Variants in SGCD observed in about 807,000 individuals in gnomAD.
SGCD encodes the protein sarcoglycan delta.
A neutral mutation model predicts 36.6 loss-of-function variants in SGCD; 18 were observed. The ratio of observed to expected loss-of-function variants is 0.49; its 90% CI spans 0.34 to 0.73. The LOEUF is 0.73. SGCD is among the 30% of genes least tolerant of loss of function. SGCD has a pLI of 0.01. For missense variants in SGCD, 387 were observed against 346.7 expected (o/e 1.12, Z -0.92); for synonymous variants, 133 against 130.6 (o/e 1.02, Z -0.12).
At chr5:155,866,416 A>G (rs565313637), upstream of SGCD, among the ~76,000 whole-genome samples, 27 of 152,308 alleles carry the variant, frequency 1.8e-4, no homozygotes, top group Non-Finnish European at 3.1e-4. Context: ...CCTTAGTGTT[A>G]TTATAAAAAT....
chr5:156,581,231 C>T (rs2113336892), intron 4 of SGCD, among the ~76,000 whole-genome samples: 1 of 152,340 alleles, frequency 6.6e-6, no homozygotes, highest in South Asian at 2.1e-4. Context: ...CCAGCGGAGG[C>T]TGCAGAACAG....
chr5:156,532,281 A>T (rs1446788860), intron 4 of SGCD, among the ~76,000 whole-genome samples: 1 of 152,182 alleles, frequency 6.6e-6, no homozygotes, highest in Non-Finnish European at 1.5e-5. Context: ...TACATATTAA[A>T]ATATCTGCTG....
chr5:156,730,219 T>C (rs1226986740), intron 7 of SGCD, among the ~76,000 whole-genome samples: 1 of 152,196 alleles, frequency 6.6e-6, no homozygotes, highest in African/African-American at 2.4e-5. Context: ...CTAGATTCTG[T>C]GCAGTTTTTT....
At chr5:156,095,230 T>C (rs973611540) in intron 1 of SGCD, among the ~76,000 whole-genome samples, 1 of 152,162 alleles carries the variant, frequency 6.6e-6, no homozygotes, top group African/African-American at 2.4e-5. Flanking sequence ...TACGCAAATC[T>C]CACCACATAG....
At chr5:156,222,084 C>T (rs1048977353) in intron 3 of SGCD, among the ~76,000 whole-genome samples, 2 of 151,992 alleles carry the variant, frequency 1.3e-5, no homozygotes, top group African/African-American at 4.8e-5. Context: ...CTAGAACCAA[C>T]AGATGTTGCA....
At chr5:156,197,942 G>A (rs1047466828) in intron 3 of SGCD, among the ~76,000 whole-genome samples, 1 of 152,112 alleles carries the variant, frequency 6.6e-6, no homozygotes, top group South Asian at 2.1e-4. Flanking sequence ...TTAGCATAGA[G>A]GAGGGAGGAA....
At chr5:156,085,039 C>A (rs1761059467) in intron 1 of SGCD, among the ~76,000 whole-genome samples, 1 of 152,080 alleles carries the variant, frequency 6.6e-6, no homozygotes, top group Non-Finnish European at 1.5e-5. Flanking sequence ...GAATAAATCT[C>A]AAAAATCAAT....
chr5:156,701,050 C>T (rs1754511020), intron 7 of SGCD, among the ~76,000 whole-genome samples: 1 of 152,010 alleles, frequency 6.6e-6, no homozygotes, highest in African/African-American at 2.4e-5. Flanking sequence ...ATCTCATCTG[C>T]TTTCATGGTT....
chr5:156,219,540 T>C (rs530226372), intron 3 of SGCD, among the ~76,000 whole-genome samples: 28 of 152,292 alleles, frequency 1.8e-4, no homozygotes, highest in Non-Finnish European at 3.4e-4. Context: ...GAAAAAATTT[T>C]TTCACATGAT....
intron 4 of SGCD, among the ~76,000 whole-genome samples, chr5:156,513,128 A>C (rs918532116): frequency 1.3e-5 from 2 of 152,234 alleles, no homozygotes; most frequent in Non-Finnish European, 1.5e-5. Context: ...GAAATCAAGT[A>C]TATTGGCATG....
chr5:156,417,718 C>A (rs566414830), intron 3 of SGCD, among the ~76,000 whole-genome samples: 1 of 152,168 alleles, frequency 6.6e-6, no homozygotes, highest in African/African-American at 2.4e-5. Context: ...CTCACTTAAC[C>A]TTAATCAACT....
chr5:156,428,645 T>A (rs1773780125), intron 3 of SGCD, among the ~76,000 whole-genome samples: 1 of 152,138 alleles, frequency 6.6e-6, no homozygotes, highest in South Asian at 2.1e-4. Context: ...CTGTTTGTGA[T>A]CTTTCAGACT....
intron 3 of SGCD, among the ~76,000 whole-genome samples, chr5:156,234,767 A>T (rs1765113737): frequency 6.6e-6 from 1 of 152,190 alleles, no homozygotes; most frequent in South Asian, 2.1e-4. Context: ...GGCAAATGTT[A>T]TTATGGTGTT....
chr5:156,188,664 A>ACC (rs1763818448), intron 3 of SGCD, among the ~76,000 whole-genome samples: 2 of 87,090 alleles, frequency 2.3e-5, no homozygotes, highest in African/African-American at 1.1e-4. Context: ...TGACCACCCC[A>ACC]ACCGCCCCCC....
chr5:156,696,473 A>G (rs1754320897), intron 7 of SGCD, among the ~76,000 whole-genome samples: 1 of 152,202 alleles, frequency 6.6e-6, no homozygotes, highest in Admixed American at 6.5e-5. Flanking sequence ...TGAGGGCTTA[A>G]CAGAAAACAA....
intron 7 of SGCD, among the ~76,000 whole-genome samples, chr5:156,705,101 T>G (rs1220401684): frequency 6.6e-6 from 1 of 152,148 alleles, no homozygotes; most frequent in Non-Finnish European, 1.5e-5. Context: ...TTCAGCAAAT[T>G]TTATTAAAAA....
At chr5:155,928,666 C>CAAAAAAAAAAAAAAAAAAAAAAAAAAA (rs58548934) in intron 1 of SGCD, among the ~76,000 whole-genome samples, 1 of 68,214 alleles carries the variant, frequency 1.5e-5, no homozygotes, top group Non-Finnish European at 2.6e-5. Context: ...GACTCTGTCT[C>CAAAAAAAAAAAAAAAAAAAAAAAAAAA]AAAAAAAAAA....
chr5:155,777,073 GTTCCTGC>G, the SGCD span, among the ~76,000 whole-genome samples: 2 of 152,120 alleles, frequency 1.3e-5, no homozygotes, highest in South Asian at 4.1e-4. Flanking sequence ...CAAGAAAAGG[GTTCCTGC>G]TTGTGAGTTG....
Position 156,503,545 on chromosome 5 carries a change from C to T in SGCD, c.193-5056C>T, listed in dbSNP as rs144002710. 6.2e-3 allele frequency among the ~76,000 whole-genome samples: 940 copies of T among 152,252 alleles called. 7 individuals are homozygous for T. Among genetic ancestry groups the T allele is most frequent in the South Asian group, 0.02 (97 of 4,824 alleles). Reference sequence around the variant, plus strand: ...CCCAGCAGGAACCATAAGGGCATTACTTTTGTGTATATTGAGGATTGGGTT... The same window carrying T: ...CCCAGCAGGAACCATAAGGGCATTATTTTTGTGTATATTGAGGATTGGGTT... On this transcript the variant is annotated intron_variant, in intron 3 of 8. Transcript: ENST00000337851.
Sources: allele counts gnomAD v4.1 joint callset (sites outside exome capture counted in the v4.1 genomes callset), GRCh38; gene constraint gnomAD v4.1.1; transcripts MANE v1.5; gene names NCBI Gene and HGNC (gene_info 2026-07-23, HGNC 2026-07-21).